The following WIPF1 variants were observed in gnomAD, a reference collection of about 807,000 sequenced individuals.
The protein encoded by WIPF1 is WAS/WASL-interacting protein family member 1.
Under a neutral mutation model 35.4 loss-of-function variants are expected in WIPF1, and 13 were observed. The observed-to-expected ratio is 0.37, with a 90% confidence interval of 0.24 to 0.58. The LOEUF is 0.58. Ranked by LOEUF, WIPF1 falls within the 20% of genes least tolerant of loss-of-function variation. The pLI, the probability that WIPF1 is intolerant of heterozygous loss-of-function variation, is 0.74. For synonymous variants in WIPF1, 267 were observed against 266.3 expected (o/e 1.00, Z -0.02); for missense variants, 591 against 667.0 (o/e 0.89, Z 1.25).
At chr2:174,588,951 CCTTTCCAAT>C (rs1238728043) in intron 1 of WIPF1, among the ~76,000 whole-genome samples, 2 of 152,174 alleles carry the variant, frequency 1.3e-5, no homozygotes, top group African/African-American at 4.8e-5. Flanking sequence ...ATTAACTGTC[CCTTTCCAAT>C]CTCAATGGTA....
chr2:174,597,309 G>A (rs988840530), intron 1 of WIPF1, among the ~76,000 whole-genome samples: 1 of 152,122 alleles, frequency 6.6e-6, no homozygotes, highest in Non-Finnish European at 1.5e-5. Context: ...ACCGACATAA[G>A]CCCCCAATTT....
At chr2:174,581,099 A>C in intron 3 of WIPF1, 1 of 471,320 alleles carries the variant, frequency 2.1e-6, no homozygotes, top group Admixed American at 3.6e-5. Context: ...GTCTTGGACA[A>C]AGAATTATTA....
Position 174,562,027 on chromosome 2 carries a change from A to T in WIPF1, c.*520T>A. The T allele has an allele frequency of 6.5e-7, 1 of 1,535,442 alleles. No individual in the cohort carries two copies. The highest frequency in any genetic ancestry group is 2.0e-5 in the Admixed American group (1 of 50,934). Reference sequence around the variant, plus strand: ...GGGGCTCACATTATATTTCTATTGGACAGCTCTGTCCTAGAGCCAAGCTCG... The same window carrying T: ...GGGGCTCACATTATATTTCTATTGGTCAGCTCTGTCCTAGAGCCAAGCTCG... On this transcript the variant is annotated 3_prime_UTR_variant, in exon 8 of 8. Coordinates refer to ENST00000679041, the MANE Select transcript of WIPF1 (RefSeq NM_001375834.1).
At chr2:174,677,767 A>T (rs1193780832) in intron 1 of WIPF1, among the ~76,000 whole-genome samples, 1 of 152,238 alleles carries the variant, frequency 6.6e-6, no homozygotes, top group Admixed American at 6.5e-5. Flanking sequence ...AATGAAGAGA[A>T]GGGGCAGTGT....
intron 1 of WIPF1, among the ~76,000 whole-genome samples, chr2:174,603,063 A>G (rs1686055978): frequency 6.6e-6 from 1 of 152,190 alleles, no homozygotes; most frequent in South Asian, 2.1e-4. Flanking sequence ...GGCGAGCTCT[A>G]TCCCTGAGGG....
At chr2:174,599,796 T>A (rs978041549), upstream of WIPF1, among the ~76,000 whole-genome samples, 389 of 148,726 alleles carry the variant, frequency 2.6e-3, 1 homozygote, top group African/African-American at 8.8e-3. Context: ...ACACACACTC[T>A]CTCTCTCTCT....
intron 1 of WIPF1, among the ~76,000 whole-genome samples, chr2:174,649,929 G>C (rs903578864): frequency 6.6e-6 from 1 of 152,184 alleles, no homozygotes; most frequent in Non-Finnish European, 1.5e-5. Context: ...CTCCAGTCCT[G>C]ACAATAACAG....
chr2:174,562,578 C>T lies in WIPF1; in HGVS notation c.1481G>A (p.Gly494Asp), dbSNP rs1423414500. Reference protein sequence around the residue: ...SRSGSNRRERGAPPLPPIPR With the variant: ...SRSGSNRRERDAPPLPPIPR ...CGGGATGGGAGGGAGTGGTGGAGCA[C>T]CCCTTTCTCTTCGGTTGGATCCACC... is the stretch of plus-strand genomic sequence containing the variant. The change falls in exon 8 of 8, where the codon GGT becomes GAT. Residue 494 changes from glycine (G) to aspartate (D), a missense_variant. By Grantham distance (94) the Gly-to-Asp change is moderately conservative. Around this residue, in one of 3 missense-constraint regions of WIPF1, gnomAD observed 117 missense variants for 149.6 expected, o/e 0.78. Transcript: ENST00000679041. The T allele has an allele frequency of 9.9e-6, 16 of 1,614,022 alleles. No homozygotes were observed. The highest frequency in any genetic ancestry group is 1.4e-5 in the Non-Finnish European group (16 of 1,180,024).
Position 174,571,953 on chromosome 2 carries a change from A to G in WIPF1, c.852T>C (p.Pro284=). The change falls in exon 5 of 8, where the codon CCT becomes CCC. Residue 284 remains proline, a synonymous_variant. Transcript: ENST00000679041. The surrounding 1 kb of genome is among the most constrained non-coding windows in gnomAD (Gnocchi z 4.6). ...RPSIHREAVP[P]PPPQNNKPPV... is the part of the protein sequence containing the mutation. ...GAGGCTTGTTGTTCTGAGGAGGAGG[A>G]GGGGGAACCGCTTCCCTGTGGATGG... The G allele has an allele frequency of 1.3e-6, 2 of 1,573,214 alleles. No individual in the cohort carries two copies. Among genetic ancestry groups the G allele is most frequent in the Admixed American group, 1.8e-5 (1 of 54,370 alleles).
chr2:174,618,616 T>C (rs1314699695), intron 1 of WIPF1, among the ~76,000 whole-genome samples: 1 of 152,216 alleles, frequency 6.6e-6, no homozygotes, highest in African/African-American at 2.4e-5. Context: ...CTTTTATAAG[T>C]ATTATCAACT....
rs1411244945 is a variant in WIPF1, at chr2:174,562,380, G to A, written c.*167C>T. On this transcript the variant is annotated 3_prime_UTR_variant, in exon 8 of 8. Transcript: ENST00000679041. Reference sequence around the variant, plus strand: ...ATAAACACAATATGAAAAGCTAGGTGCATTTCTTACCGATTCCCACCCACA... The same window carrying A: ...ATAAACACAATATGAAAAGCTAGGTACATTTCTTACCGATTCCCACCCACA... 6.0e-6 allele frequency: 9 copies of A among 1,489,172 alleles called. No homozygotes were observed. Among genetic ancestry groups the A allele is most frequent in the East Asian group, 2.5e-5 (1 of 40,426 alleles). 92.2% of individuals were successfully genotyped at this position (1,489,172 alleles called of 1,614,324 possible). A position where few individuals can be genotyped will look rare whatever the true frequency, so the allele number is the denominator to read the frequency against.
chr2:174,618,357 G>T (rs986822947), intron 1 of WIPF1, among the ~76,000 whole-genome samples: 6 of 152,320 alleles, frequency 3.9e-5, no homozygotes, highest in South Asian at 2.1e-4. Flanking sequence ...GGATCAAGGA[G>T]GGGCAGGCAG....
Position 174,568,067 on chromosome 2 carries a change from A to AGGG in WIPF1, c.1133_1135dup (p.Pro378dup). 6.2e-7 allele frequency: 1 copy of AGGG among 1,611,922 alleles called. No individual in the cohort carries two copies. The highest frequency in any genetic ancestry group is 8.5e-7 in the Non-Finnish European group (1 of 1,179,762). ...TCTGCTTACTGGAGGAGGTGGTGGGAGGGGGCCTGGAGCAAAAAAAGACAC... is the reference window on the plus strand; with the variant it reads ...TCTGCTTACTGGAGGAGGTGGTGGGAGGGGGGGGCCTGGAGCAAAAAAAGACAC... On this transcript the variant is annotated inframe_insertion, in exon 6 of 8. Coordinates refer to ENST00000679041, the MANE Select transcript of WIPF1 (RefSeq NM_001375834.1).
At chr2:174,599,179 T>G (rs1168140702), upstream of WIPF1, among the ~76,000 whole-genome samples, 1 of 152,002 alleles carries the variant, frequency 6.6e-6, no homozygotes, top group Non-Finnish European at 1.5e-5. Flanking sequence ...AGGTAGCTGT[T>G]GGGGGTGGTG....
chr2:174,585,406 G>T, intron 2 of WIPF1, 117 bp downstream of exon 2: 1 of 1,072,954 alleles, frequency 9.3e-7, no homozygotes, highest in Non-Finnish European at 1.4e-6. Context: ...GGGAAAGCCT[G>T]TTGTATCACA....
Position 174,567,736 on chromosome 2 carries a change from T to G in WIPF1, c.1342+125A>C, listed in dbSNP as rs1684706009. The G allele has an allele frequency of 4.9e-6, 5 of 1,026,566 alleles. No homozygotes were observed. The South Asian group carries it at 1.0e-4, about 21-fold the overall frequency. The allele number at this position is 1,026,566 out of a possible 1,614,324, so 63.6% of individuals were successfully genotyped here. A position where few individuals can be genotyped will look rare whatever the true frequency, so the allele number is the denominator to read the frequency against. On this transcript the variant is annotated intron_variant, in intron 6 of 7. Coordinates refer to ENST00000679041, the MANE Select transcript of WIPF1 (RefSeq NM_001375834.1). ...GCCTTAGAATGGTTAGATAGTTAGA[T>G]CAGTGCAATGGAGTGTGATAATGAT...
chr2:174,598,664 A>G (rs1574823699), upstream of WIPF1, among the ~76,000 whole-genome samples: 1 of 152,288 alleles, frequency 6.6e-6, no homozygotes, highest in East Asian at 1.9e-4. Context: ...AGTCAGGGTA[A>G]TAATATACAG....
chr2:174,667,934 G>A (rs1191791327), intron 1 of WIPF1, among the ~76,000 whole-genome samples: 1 of 152,146 alleles, frequency 6.6e-6, no homozygotes, highest in Non-Finnish European at 1.5e-5. Flanking sequence ...ACTGGAGAAA[G>A]GTATCTGCTT....
At position 174,572,380 on chromosome 2, in the gene WIPF1, G is replaced by C; in HGVS notation, c.425C>G (p.Ser142Ter). 6.2e-7 allele frequency: 1 copy of C among 1,614,166 alleles called. No individual in the cohort carries two copies. Among genetic ancestry groups the C allele is most frequent in the Non-Finnish European group, 8.5e-7 (1 of 1,180,036 alleles). The change falls in exon 5 of 8, where the codon TCA becomes TGA. Residue 142 changes from serine (S) to a stop codon, truncating the protein, a stop_gained. Transcript: ENST00000679041. LOFTEE classifies it high-confidence loss of function. ...GGRSTSAKPF[S>*]PPSGPGRFPV... is the part of the protein sequence containing the mutation. ...AAACCTCCCTGGGCCACTTGGGGGT[G>C]AAAAGGGTTTCGCAGATGTGGATCT...
Sources: allele counts gnomAD v4.1 joint callset (sites outside exome capture counted in the v4.1 genomes callset), GRCh38; gene constraint gnomAD v4.1.1; regional missense constraint gnomAD v4.1.1; non-coding constraint Gnocchi (gnomAD v3.1); transcripts MANE v1.5; gene names NCBI Gene and HGNC (gene_info 2026-07-23, HGNC 2026-07-21).